DLGAP1: variants seen among roughly 807,000 people sequenced by gnomAD.
DLGAP1 encodes the protein disks large-associated protein 1.
A neutral mutation model predicts 90.8 loss-of-function variants in DLGAP1; 11 were observed. That is an observed-to-expected ratio of 0.12 (90% CI 0.08 to 0.20). DLGAP1 has a LOEUF of 0.20. DLGAP1 is among the 10% of genes least tolerant of loss of function. The pLI is 1.00. For synonymous variants in DLGAP1, 558 were observed against 540.7 expected (o/e 1.03, Z -0.44); for missense variants, 1,050 against 1,333.8 (o/e 0.79, Z 3.31).
At chr18:4,150,053 C>G (rs1235710512) in intron 2 of DLGAP1, among the ~76,000 whole-genome samples, 1 of 152,166 alleles carries the variant, frequency 6.6e-6, no homozygotes, top group African/African-American at 2.4e-5. Context: ...TGGGAGGAAC[C>G]AAGTTCCCAT....
intron 1 of DLGAP1, among the ~76,000 whole-genome samples, chr18:4,365,022 T>G (rs548966869): frequency 1.3e-5 from 2 of 152,322 alleles, no homozygotes; most frequent in South Asian, 4.1e-4. Context: ...TTCAAGAGAT[T>G]GATTGTTATG....
chr18:3,687,514 C>G (rs150281804), intron 7 of DLGAP1, among the ~76,000 whole-genome samples: 1 of 152,226 alleles, frequency 6.6e-6, no homozygotes, highest in East Asian at 1.9e-4. Flanking sequence ...TCAGATCTGA[C>G]AAGAAATTGG....
Position 3,508,649 on chromosome 18 carries a change from A to C in DLGAP1, c.2492T>G (p.Ile831Ser). 1.2e-6 allele frequency: 2 copies of C among 1,613,780 alleles called. No individual in the cohort carries two copies. The highest frequency in any genetic ancestry group is 1.7e-6 in the Non-Finnish European group (2 of 1,179,860). ...TTGGGCACTGCCCACTGCGGTTCGG[A>C]TTTTTCCTAGAACTGGAAAGAGCAA... ...NNLPEDILGK[I>S]RTAVGSAQLL... The change falls in exon 11 of 13, where the codon ATC becomes AGC. Residue 831 changes from isoleucine (I) to serine (S), a missense_variant. By Grantham distance (142) the Ile-to-Ser change is moderately radical. This residue lies in a region of DLGAP1 where 565 missense variants were observed against 879.7 expected (regional missense o/e 0.64). Coordinates refer to ENST00000315677, the MANE Select transcript of DLGAP1 (RefSeq NM_004746.4).
intron 6 of DLGAP1, among the ~76,000 whole-genome samples, chr18:3,741,058 TCACCACCACCACCACCAC>T (rs1430015496): frequency 3.9e-5 from 1 of 25,900 alleles, no homozygotes; most frequent in African/African-American, 2.1e-4. Context: ...ACCACCACCA[TCACCACCACCACCACCAC>T]CACCATCACC....
At chr18:3,590,583 G>C (rs567873822) in intron 7 of DLGAP1, among the ~76,000 whole-genome samples, 1 of 152,032 alleles carries the variant, frequency 6.6e-6, no homozygotes, top group African/African-American at 2.4e-5. Flanking sequence ...GGTCAGGTAC[G>C]GTGGCCCACA....
At chr18:4,046,411 G>GT (rs2075055047) in intron 2 of DLGAP1, among the ~76,000 whole-genome samples, 1 of 152,260 alleles carries the variant, frequency 6.6e-6, no homozygotes, top group South Asian at 2.1e-4. Flanking sequence ...CCTAAGAAAA[G>GT]TGGGTGTCTT....
chr18:4,120,014 G>A (rs1390426489), intron 2 of DLGAP1, among the ~76,000 whole-genome samples: 1 of 152,152 alleles, frequency 6.6e-6, no homozygotes, highest in Admixed American at 6.5e-5. Context: ...GAGGGGGCTG[G>A]CTGAATTAAT....
chr18:3,933,528 T>G (rs1468423539), intron 3 of DLGAP1, among the ~76,000 whole-genome samples: 2 of 152,252 alleles, frequency 1.3e-5, no homozygotes, highest in Admixed American at 1.3e-4. Context: ...AGGACTCTTG[T>G]CTCTTCTTGG....
At chr18:3,530,281 C>A (rs1026793156) in intron 10 of DLGAP1, among the ~76,000 whole-genome samples, 9 of 152,118 alleles carry the variant, frequency 5.9e-5, no homozygotes, top group African/African-American at 2.2e-4. Context: ...GTGGTGCACA[C>A]CTGTAGTGAC....
chr18:3,693,530 A>T (rs1014075510), intron 7 of DLGAP1, among the ~76,000 whole-genome samples: 3 of 152,270 alleles, frequency 2.0e-5, no homozygotes, highest in Non-Finnish European at 4.4e-5. Context: ...GAAGGCAATC[A>T]CTGCAGAGAT....
chr18:3,559,131 T>C (rs180961350), intron 9 of DLGAP1, among the ~76,000 whole-genome samples: 75 of 152,338 alleles, frequency 4.9e-4, no homozygotes, highest in African/African-American at 1.8e-3. Context: ...ATGTTAACAT[T>C]GTCCTCAAAG....
At chr18:3,593,849 A>C (rs2056419949) in intron 7 of DLGAP1, 1 of 152,174 alleles carries the variant, frequency 6.6e-6, no homozygotes, top group Non-Finnish European at 1.5e-5. Context: ...AAGAATGGAA[A>C]GGTTTGTTTC....
intron 2 of DLGAP1, among the ~76,000 whole-genome samples, chr18:4,041,646 T>C (rs191517075): frequency 3.4e-4 from 52 of 152,248 alleles, no homozygotes; most frequent in African/African-American, 1.2e-3. Flanking sequence ...TCATACAACT[T>C]TCCTTATCCC....
At chr18:3,802,249 T>C (rs187861359) in intron 5 of DLGAP1, among the ~76,000 whole-genome samples, 10 of 152,104 alleles carry the variant, frequency 6.6e-5, no homozygotes, top group South Asian at 2.1e-4. Context: ...TCCCAAAGTG[T>C]TGGGATTACA....
chr18:4,416,703 C>CAA (rs60482871), intron 1 of DLGAP1, among the ~76,000 whole-genome samples: 41,351 of 151,920 alleles, frequency 0.27, 6,436 homozygotes, highest in East Asian at 0.36. Flanking sequence ...TTTGGAAGAC[C>CAA]AATATGAGAT....
At chr18:3,897,984 C>G (rs565359892) in intron 3 of DLGAP1, among the ~76,000 whole-genome samples, 3 of 151,560 alleles carry the variant, frequency 2.0e-5, no homozygotes, top group Non-Finnish European at 2.9e-5. Flanking sequence ...TTAGTAGAGA[C>G]GGGGTTTCAC....
chr18:3,820,848 A>T (rs1174089184), intron 4 of DLGAP1, among the ~76,000 whole-genome samples: 1 of 142,868 alleles, frequency 7.0e-6, no homozygotes, highest in African/African-American at 2.6e-5. Context: ...AAGGAGAGTT[A>T]GGCATCTGAC....
intron 7 of DLGAP1, among the ~76,000 whole-genome samples, chr18:3,662,051 A>G (rs1779009929): frequency 6.6e-6 from 1 of 152,204 alleles, no homozygotes; most frequent in Non-Finnish European, 1.5e-5. Flanking sequence ...CACGGATTTT[A>G]GTAAGAAAAC....
At chr18:3,578,722 A>G (rs147017059) in intron 8 of DLGAP1, among the ~76,000 whole-genome samples, 542 of 151,884 alleles carry the variant, frequency 3.6e-3, no homozygotes, top group Non-Finnish European at 6.1e-3. Context: ...GACACTAGGT[A>G]CAATCTTGGC....
Sources: gnomAD v4.1 joint callset for allele counts (sites outside exome capture counted in the v4.1 genomes callset) on GRCh38, gnomAD v4.1.1 for gene constraint, gnomAD v4.1.1 regional missense constraint, MANE v1.5 for transcripts, NCBI Gene and HGNC (gene_info 2026-07-23, HGNC 2026-07-21) for gene names.